The following SLC12A2 variants were observed in gnomAD, a reference collection of about 807,000 sequenced individuals.
SLC12A2 encodes the protein solute carrier family 12 member 2.
SLC12A2 carries 67 observed loss-of-function variants against 136.3 expected under a neutral mutation model. The observed-to-expected ratio is 0.49, with a 90% CI of 0.40 to 0.60. SLC12A2 has a LOEUF of 0.60. Ranked by LOEUF, SLC12A2 falls within the 20% of genes least tolerant of loss-of-function variation. SLC12A2 has a pLI of 0.00. For missense variants in SLC12A2, 1,322 were observed against 1,534.7 expected (o/e 0.86, Z 2.32); for synonymous variants, 619 against 562.9 (o/e 1.10, Z -1.41).
chr5:128,158,865 G>GT (rs67676665), intron 16 of SLC12A2, among the ~76,000 whole-genome samples: 10,332 of 135,830 alleles, frequency 0.076, 1,137 homozygotes, highest in African/African-American at 0.25. Context: ...CAGCATCTGT[G>GT]TTTTTTTTTT....
chr5:128,126,966 A>ATATATATATTTTT, intron 4 of SLC12A2, among the ~76,000 whole-genome samples: 1 of 21,160 alleles, frequency 4.7e-5, no homozygotes, highest in African/African-American at 2.5e-4. Flanking sequence ...ATATATATAT[A>ATATATATATTTTT]TTTTTTTTTT....
Position 128,178,655 on chromosome 5 carries a change from T to C in SLC12A2, c.3066T>C (p.Asn1022=). 6.3e-7 allele frequency: 1 copy of C among 1,595,120 alleles called. No individual in the cohort carries two copies. Among genetic ancestry groups the C allele is most frequent in the Non-Finnish European group, 8.5e-7 (1 of 1,172,108 alleles). Residue 1022 remains asparagine (N), a synonymous_variant, in exon 22 of 27, where the codon AAT becomes AAC. Coordinates refer to ENST00000262461, the MANE Select transcript of SLC12A2 (RefSeq NM_001046.3). ...STQFQKKQGK[N]TIDVWWLFDD... ...AGTTTCAGAAAAAACAAGGAAAGAATACTATTGATGTCTGGTGGCTTTTTG... is the reference window on the plus strand; with the variant it reads ...AGTTTCAGAAAAAACAAGGAAAGAACACTATTGATGTCTGGTGGCTTTTTG...
intron 4 of SLC12A2, among the ~76,000 whole-genome samples, chr5:128,125,679 T>C (rs899922358): frequency 2.6e-5 from 4 of 151,372 alleles, no homozygotes; most frequent in African/African-American, 9.7e-5. Context: ...CCGGTTTCTC[T>C]TTTTTTTTAT....
chr5:128,154,710 A>T (rs901377642), intron 15 of SLC12A2, among the ~76,000 whole-genome samples: 7 of 152,120 alleles, frequency 4.6e-5, no homozygotes. Context: ...ATGAGTCAGA[A>T]CACCTTTTTG....
At chr5:128,136,835 C>T (rs1440333689) in intron 7 of SLC12A2, among the ~76,000 whole-genome samples, 1 of 152,110 alleles carries the variant, frequency 6.6e-6, no homozygotes, top group Non-Finnish European at 1.5e-5. Flanking sequence ...AAGGGACTGA[C>T]ATGTTTCTAT....
intron 1 of SLC12A2, among the ~76,000 whole-genome samples, chr5:128,096,742 A>G (rs1381556763): frequency 1.3e-5 from 2 of 152,124 alleles, no homozygotes; most frequent in African/African-American, 4.8e-5. Flanking sequence ...CCTCTCCTGT[A>G]TCAATTCCAA....
intron 19 of SLC12A2, among the ~76,000 whole-genome samples, chr5:128,172,993 G>T (rs1451188268): frequency 6.6e-6 from 1 of 151,534 alleles, no homozygotes; most frequent in Non-Finnish European, 1.5e-5. Context: ...AAAAACAACT[G>T]TGAAGATTTT....
chr5:128,131,201 C>G lies in SLC12A2; in HGVS notation c.1183C>G (p.Leu395Val). Residue 395 changes from leucine to valine, a missense_variant, in exon 5 of 27, where the codon CTT becomes GTT. Coordinates refer to ENST00000262461, the MANE Select transcript of SLC12A2 (RefSeq NM_001046.3). ...ATTTGCAGAAACCGTGGTGGAGTTGCTTAAGGTAATTCACCTTCCTTCTAG... is the reference window on the plus strand; with the variant it reads ...ATTTGCAGAAACCGTGGTGGAGTTGGTTAAGGTAATTCACCTTCCTTCTAG... ...VGFAETVVELLKEHSILMIDE... is the reference protein window; with the variant it reads ...VGFAETVVELVKEHSILMIDE... The G allele has an allele frequency of 6.2e-7, 1 of 1,614,048 alleles. No homozygotes were observed. The highest frequency in any genetic ancestry group is 8.5e-7 in the Non-Finnish European group (1 of 1,179,980).
intron 10 of SLC12A2, among the ~76,000 whole-genome samples, chr5:128,144,730 C>T (rs2126715875): frequency 6.6e-6 from 1 of 152,140 alleles, no homozygotes; most frequent in South Asian, 2.1e-4. Flanking sequence ...TTGCTTTAGT[C>T]ATTGCTTCAC....
At position 128,188,734 on chromosome 5, in the gene SLC12A2, TA is replaced by T. The variant is rs34443073; in HGVS notation, c.*2123del. ...TAAGAAAATGAAGTAACTGATTTTC[TA>T]AAAAAAAAAAAAAAAAAAATTTCTA... On this transcript the variant is annotated 3_prime_UTR_variant, in exon 27 of 27. Coordinates refer to ENST00000262461, the MANE Select transcript of SLC12A2 (RefSeq NM_001046.3). The T allele has an allele frequency of 0.55, 74,903 of 135,296 alleles. 20,191 individuals carry two copies. The highest frequency in any genetic ancestry group is 0.59 in the Middle Eastern group (159 of 270). The allele number at this position is 135,296 out of a possible 1,614,324, so 8.4% of individuals were successfully genotyped here.
At chr5:128,163,866 T>G (rs1429598610) in intron 17 of SLC12A2, among the ~76,000 whole-genome samples, 1 of 152,208 alleles carries the variant, frequency 6.6e-6, no homozygotes, top group Non-Finnish European at 1.5e-5. Flanking sequence ...TTCTCATGTT[T>G]CTTAACGGCG....
intron 2 of SLC12A2, 132 bp from the exon 3 acceptor site, chr5:128,114,080 A>C: frequency 1.5e-6 from 1 of 662,186 alleles, no homozygotes; most frequent in Non-Finnish European, 2.6e-6. Flanking sequence ...AGGGTGGGGT[A>C]GGAGTTAGAT....
At chr5:128,116,661 T>A (rs1761362550) in intron 4 of SLC12A2, among the ~76,000 whole-genome samples, 1 of 152,124 alleles carries the variant, frequency 6.6e-6, no homozygotes, top group Non-Finnish European at 1.5e-5. Context: ...GGTGAAATAA[T>A]GAAACCCATA....
At chr5:128,144,532 G>A (rs1762468716) in intron 10 of SLC12A2, among the ~76,000 whole-genome samples, 1 of 152,092 alleles carries the variant, frequency 6.6e-6, no homozygotes, top group African/African-American at 2.4e-5. Context: ...TATATTGCTT[G>A]CTATATTTCT....
At chr5:128,146,444 T>C (rs1762527860) in intron 10 of SLC12A2, among the ~76,000 whole-genome samples, 1 of 151,692 alleles carries the variant, frequency 6.6e-6, no homozygotes, top group Admixed American at 6.6e-5. Context: ...ACATTGACAT[T>C]TTCAACATTT....
At chr5:128,130,698 T>C (rs775424229) in intron 4 of SLC12A2, among the ~76,000 whole-genome samples, 12 of 151,726 alleles carry the variant, frequency 7.9e-5, no homozygotes, top group Non-Finnish European at 1.6e-4. Context: ...AAAAAAAGCA[T>C]AAAAATAAAA....
chr5:128,165,377 GATGCACAGAAAAC>G (rs1192757320), intron 17 of SLC12A2, among the ~76,000 whole-genome samples: 1 of 152,154 alleles, frequency 6.6e-6, no homozygotes, highest in African/African-American at 2.4e-5. Flanking sequence ...TTTGGCTTAA[GATGCACAGAAAAC>G]ATTGTTAAAG....
At chr5:128,160,991 T>C (rs1400861981) in intron 16 of SLC12A2, among the ~76,000 whole-genome samples, 1 of 152,142 alleles carries the variant, frequency 6.6e-6, no homozygotes, top group Non-Finnish European at 1.5e-5. Flanking sequence ...ATAAGACATT[T>C]ACAAATGAGA....
At position 128,178,619 on chromosome 5, in the gene SLC12A2, A is replaced by G. The variant is rs779529418; in HGVS notation, c.3030A>G (p.Glu1010=). The change falls in exon 22 of 27, where the codon GAA becomes GAG. Residue 1010 remains glutamate, a synonymous_variant. Transcript: ENST00000262461. ...PLNVADQKLL[E]ASTQFQKKQG... is the part of the protein sequence containing the mutation. The stretch of plus-strand genomic sequence containing the variant: ...ATGTAGCTGACCAAAAGCTTCTTGA[A>G]GCTAGTACACAGTTTCAGAAAAAAC... 2 of 1,601,008 alleles carry G rather than the reference A, an allele frequency of 1.2e-6. No individual in the cohort carries two copies. Among genetic ancestry groups the G allele is most frequent in the Admixed American group, 1.7e-5 (1 of 58,298 alleles).
Sources: gnomAD v4.1 joint callset for allele counts (sites outside exome capture counted in the v4.1 genomes callset) on GRCh38, gnomAD v4.1.1 for gene constraint, MANE v1.5 for transcripts, NCBI Gene and HGNC (gene_info 2026-07-23, HGNC 2026-07-21) for gene names.